Variants in ATP8B2 observed in about 807,000 individuals in gnomAD.
ATP8B2 encodes the protein phospholipid-transporting ATPase ID.
ATP8B2 carries 70 observed loss-of-function variants against 133.4 expected under a neutral mutation model. The ratio of observed to expected loss-of-function variants is 0.52; its 90% CI spans 0.43 to 0.64. The LOEUF (loss-of-function observed/expected upper bound fraction) is 0.64, where lower values mean the gene tolerates loss of function less well. Among genes scored for constraint, ATP8B2 ranks in the 30% least tolerant of loss-of-function variants. The pLI is 0.00. For synonymous variants in ATP8B2, 517 were observed against 589.5 expected (o/e 0.88, Z 1.78); for missense variants, 1,101 against 1,535.7 (o/e 0.72, Z 4.73).
In ATP8B2 at chr1:154,348,824, C is replaced by T. The variant is rs1322231975; in HGVS notation, c.3295-16C>T. 3 of 1,575,144 alleles carry T rather than the reference C, an allele frequency of 1.9e-6. No individual in the cohort carries two copies. Among genetic ancestry groups the T allele is most frequent in the African/African-American group, 1.3e-5 (1 of 74,132 alleles). ...CTCCACGCTGACAGAGGGCTCTTCCCTGTGCCCCTCTGCAGGTCCGCTACA... is the reference window on the plus strand; with the variant it reads ...CTCCACGCTGACAGAGGGCTCTTCCTTGTGCCCCTCTGCAGGTCCGCTACA... On this transcript the variant is annotated splice_polypyrimidine_tract_variant and intron_variant, in intron 27 of 27. Transcript: ENST00000368489.
rs890780672 is a variant in ATP8B2, at chr1:154,337,223, T to C, written c.838-125T>C. The stretch of plus-strand genomic sequence containing the variant: ...CCACATGTGGCCCAGAGACCATGGG[T>C]TGGACAAGCTTGCACTAGAGCATCT... On this transcript the variant is annotated intron_variant, in intron 11 of 27. Transcript: ENST00000368489. The C allele has an allele frequency of 1.7e-5, 19 of 1,096,482 alleles. No homozygotes were observed. In the South Asian group the frequency reaches 2.9e-4, roughly 17 times the overall value. 67.9% of individuals were successfully genotyped at this position (1,096,482 alleles called of 1,614,324 possible).
chr1:154,350,769 C>G lies in ATP8B2; in HGVS notation c.*1651C>G, dbSNP rs929773859. 1 of 152,360 alleles carries G rather than the reference C, an allele frequency of 6.6e-6. No individual in the cohort carries two copies. Among genetic ancestry groups the G allele is most frequent in the Non-Finnish European group, 1.5e-5 (1 of 68,054 alleles). The allele number at this position is 152,360 out of a possible 1,614,324, so 9.4% of individuals were successfully genotyped here. A position where few individuals can be genotyped will look rare whatever the true frequency, so the allele number is the denominator to read the frequency against. Reference sequence around the variant, plus strand: ...GCTATTCCCTAAATAAGGCATTTCCCAAGTTAGTCGCTACCTAATCAGCCT... The same window carrying G: ...GCTATTCCCTAAATAAGGCATTTCCGAAGTTAGTCGCTACCTAATCAGCCT... On this transcript the variant is annotated 3_prime_UTR_variant, in exon 28 of 28. Transcript: ENST00000368489.
In ATP8B2 at chr1:154,344,648, C is replaced by G. The variant is rs375666727; in HGVS notation, c.2149C>G (p.Arg717Gly). 3 of 1,607,898 alleles carry G rather than the reference C, an allele frequency of 1.9e-6. No homozygotes were observed. The South Asian group carries it at 3.3e-5, about 18-fold the overall frequency. Residue 717 changes from arginine (R) to glycine (G), a missense_variant, in exon 21 of 28, where the codon CGG (arginine) becomes GGG (glycine). Arg to Gly is a moderately radical substitution (Grantham distance 125, BLOSUM62 -2). Coordinates refer to ENST00000368489, the MANE Select transcript of ATP8B2 (RefSeq NM_001370597.1). This position sits in a 1 kb window ranked among gnomAD's most constrained non-coding sequence, Gnocchi z 4.1. ...LEVREELRKA[R>G]EKMMDSSRSV... is the part of the protein sequence containing the mutation. ...TCATTTCCACCTCGACAGGAAAGCCCGGGAGAAGATGATGGACTCATCCCG... is the reference window on the plus strand; with the variant it reads ...TCATTTCCACCTCGACAGGAAAGCCGGGGAGAAGATGATGGACTCATCCCG...
Position 154,346,544 on chromosome 1 carries a change from T to C in ATP8B2, c.3024+68T>C. On this transcript the variant is annotated intron_variant, in intron 25 of 27. Coordinates refer to ENST00000368489, the MANE Select transcript of ATP8B2 (RefSeq NM_001370597.1). This position sits in a 1 kb window ranked among gnomAD's most constrained non-coding sequence, Gnocchi z 4.5. Reference sequence around the variant, plus strand: ...GAGCCTTCTGTCCCTGGGGCTGCCCTGGGCACCACAGTTCTGTTTCTGGGG... The same window carrying C: ...GAGCCTTCTGTCCCTGGGGCTGCCCCGGGCACCACAGTTCTGTTTCTGGGG... The C allele has an allele frequency of 6.2e-7, 1 of 1,608,460 alleles. No homozygotes were observed.
At position 154,330,756 on chromosome 1, in the gene ATP8B2, C is replaced by T. The variant is rs1685959456; in HGVS notation, c.91-59C>T. On this transcript the variant is annotated intron_variant, in intron 3 of 27. Transcript: ENST00000368489. ...AGTATAAAGATGGGGGAGGCAGCCT[C>T]AGTCTGGTTCTGGGTTGGGACTGGA... 2.8e-6 allele frequency: 4 copies of T among 1,425,530 alleles called. No individual in the cohort carries two copies. The South Asian group carries it at 3.5e-5, about 12-fold the overall frequency. The allele number at this position is 1,425,530 out of a possible 1,614,324, so 88.3% of individuals were successfully genotyped here. A position where few individuals can be genotyped will look rare whatever the true frequency, so the allele number is the denominator to read the frequency against.
chr1:154,332,798 T>A, intron 9 of ATP8B2, 101 bp downstream of exon 9: 1 of 904,572 alleles, frequency 1.1e-6, no homozygotes, highest in Non-Finnish European at 1.8e-6. Context: ...TTTGTTGTTA[T>A]TATGCAACTC....
chr1:154,348,286 G>A (rs1686660367), intron 26 of ATP8B2, 122 bp from the exon 27 acceptor site: 2 of 1,099,592 alleles, frequency 1.8e-6, no homozygotes, highest in Non-Finnish European at 2.5e-6. Context: ...GGGTGAGCCT[G>A]GAGAAGCGGG....
chr1:154,346,257 G>A lies in ATP8B2; in HGVS notation c.2805G>A (p.Glu935=). ...ATGTCCCCGAGCAGCGGAGCATGGAGTACCCTAAGCTGTATGAGCCGGGCC... is the reference window on the plus strand; with the variant it reads ...ATGTCCCCGAGCAGCGGAGCATGGAATACCCTAAGCTGTATGAGCCGGGCC... ...DQDVPEQRSM[E]YPKLYEPGQL... Residue 935 remains glutamate, a synonymous_variant, in exon 25 of 28, where the codon GAG becomes GAA. Coordinates refer to ENST00000368489, the MANE Select transcript of ATP8B2 (RefSeq NM_001370597.1). This position sits in a 1 kb window ranked among gnomAD's most constrained non-coding sequence, Gnocchi z 4.5. The A allele has an allele frequency of 6.2e-7, 1 of 1,614,054 alleles. No homozygotes were observed. The highest frequency in any genetic ancestry group is 8.5e-7 in the Non-Finnish European group (1 of 1,180,022).
At chr1:154,338,503 T>C (rs571346349) in intron 12 of ATP8B2, among the ~76,000 whole-genome samples, 1 of 152,114 alleles carries the variant, frequency 6.6e-6, no homozygotes, top group Admixed American at 6.6e-5. Flanking sequence ...CTACTAAAAA[T>C]ACAAAAATTA....
intron 12 of ATP8B2, among the ~76,000 whole-genome samples, chr1:154,339,567 T>C (rs1226007172): frequency 6.6e-6 from 1 of 152,206 alleles, no homozygotes; most frequent in Non-Finnish European, 1.5e-5. Context: ...TATCTGTGTT[T>C]TGTATCTCAG....
Position 154,334,631 on chromosome 1 carries a change from C to A in ATP8B2, c.837+40C>A. 1.3e-6 allele frequency: 2 copies of A among 1,555,088 alleles called. No homozygotes were observed. Among genetic ancestry groups the A allele is most frequent in the South Asian group, 1.1e-5 (1 of 89,532 alleles). On this transcript the variant is annotated intron_variant, in intron 11 of 27. Transcript: ENST00000368489. This position sits in a 1 kb window ranked among gnomAD's most constrained non-coding sequence, Gnocchi z 4.6. ...ATCTGGCTCCCTGCCCCTGCCCTCT[C>A]TTCTCCTTGGGTGCTCCTTTTCCTT...
rs1343885159 is a variant in ATP8B2 at position 154,340,572 on chromosome 1, A to G, written c.1035-282A>G. 1 of 481,812 alleles carries G rather than the reference A, an allele frequency of 2.1e-6. No individual in the cohort carries two copies. The highest frequency in any genetic ancestry group is 1.9e-5 in the African/African-American group (1 of 51,364). 29.8% of individuals were successfully genotyped at this position (481,812 alleles called of 1,614,324 possible). A position where few individuals can be genotyped will look rare whatever the true frequency, so the allele number is the denominator to read the frequency against. On this transcript the variant is annotated intron_variant, in intron 12 of 27. Coordinates refer to ENST00000368489, the MANE Select transcript of ATP8B2 (RefSeq NM_001370597.1). This position sits in a 1 kb window ranked among gnomAD's most constrained non-coding sequence, Gnocchi z 4.0. Reference sequence around the variant, plus strand: ...AGAACTGGCCGAGTGCCTTGTCTACAGCCCCTTTTCCTCCTTTGCTGTCTG... The same window carrying G: ...AGAACTGGCCGAGTGCCTTGTCTACGGCCCCTTTTCCTCCTTTGCTGTCTG...
chr1:154,327,930 G>A (rs1685848081), intron 1 of ATP8B2, 175 bp from the exon 2 acceptor site: 1 of 1,558,554 alleles, frequency 6.4e-7, no homozygotes. Context: ...AGGTGGTGGG[G>A]AAGTCCCCTC....
intron 12 of ATP8B2, 116 bp downstream of exon 12, chr1:154,337,660 A>C (rs780343242): frequency 5.6e-6 from 9 of 1,606,540 alleles, no homozygotes; most frequent in Non-Finnish European, 7.6e-6. Flanking sequence ...TTCTTCCTGT[A>C]CTGTAAACAT....
chr1:154,345,633 C>T lies in ATP8B2; in HGVS notation c.2694+88C>T, dbSNP rs1686556319. 7.3e-7 allele frequency: 1 copy of T among 1,369,374 alleles called. No individual in the cohort carries two copies. Among genetic ancestry groups the T allele is most frequent in the African/African-American group, 1.5e-5 (1 of 68,890 alleles). 84.8% of individuals were successfully genotyped at this position (1,369,374 alleles called of 1,614,324 possible). A position where few individuals can be genotyped will look rare whatever the true frequency, so the allele number is the denominator to read the frequency against. On this transcript the variant is annotated intron_variant, in intron 23 of 27. Coordinates refer to ENST00000368489, the MANE Select transcript of ATP8B2 (RefSeq NM_001370597.1). The surrounding 1 kb of genome is among the most constrained non-coding windows in gnomAD (Gnocchi z 5.6). ...TTGTTTATCACTCAGTCCCCCAGGG[C>T]CTAGCTATTTTCTGGTACATACTCT...
At position 154,328,178 on chromosome 1, in the gene ATP8B2, A is replaced by G. The variant is rs1191124633; in HGVS notation, c.31+6A>G. 6.2e-7 allele frequency: 1 copy of G among 1,613,076 alleles called. No individual in the cohort carries two copies. Among genetic ancestry groups the G allele is most frequent in the African/African-American group, 1.3e-5 (1 of 74,972 alleles). ...TGCAAAAAAGCGCCCCCCAGGTAAG[A>G]CAGGCAAGGAGGGGAGATCCCGGGA... On this transcript the variant is annotated splice_donor_region_variant and intron_variant, in intron 2 of 27. Coordinates refer to ENST00000368489, the MANE Select transcript of ATP8B2 (RefSeq NM_001370597.1). The surrounding 1 kb of genome is among the most constrained non-coding windows in gnomAD (Gnocchi z 4.6).
In ATP8B2 at chr1:154,341,112, C is replaced by G. The variant is rs752516812; in HGVS notation, c.1243+50C>G. Reference sequence around the variant, plus strand: ...GGGGCTTGCACCTCGCCTGGAAGGACAGTGGAACTGGGGCCCCACAGTTTC... The same window carrying G: ...GGGGCTTGCACCTCGCCTGGAAGGAGAGTGGAACTGGGGCCCCACAGTTTC... On this transcript the variant is annotated intron_variant, in intron 13 of 27. Transcript: ENST00000368489. 8.1e-6 allele frequency: 13 copies of G among 1,595,530 alleles called. No homozygotes were observed. The Admixed American group carries it at 1.0e-4, about 13-fold the overall frequency.
At chr1:154,332,108 G>A (rs1306950133) in intron 8 of ATP8B2, 84 bp downstream of exon 8, 5 of 1,438,208 alleles carry the variant, frequency 3.5e-6, no homozygotes, top group Non-Finnish European at 4.9e-6. Context: ...TCTCAGGCCT[G>A]GGCTCTGTCT....
chr1:154,346,084 C>A lies in ATP8B2; in HGVS notation c.2779-147C>A. On this transcript the variant is annotated intron_variant, in intron 24 of 27. Coordinates refer to ENST00000368489, the MANE Select transcript of ATP8B2 (RefSeq NM_001370597.1). This position sits in a 1 kb window ranked among gnomAD's most constrained non-coding sequence, Gnocchi z 4.5. ...TCTTGGGTTGCTGAACTAAGTTAGT[C>A]TGGGGGTAGCTGGCTTGAGGTTGGT... The A allele has an allele frequency of 8.0e-7, 1 of 1,244,428 alleles. No homozygotes were observed. Among genetic ancestry groups the A allele is most frequent in the Non-Finnish European group, 1.1e-6 (1 of 879,178 alleles). 77.1% of individuals were successfully genotyped at this position (1,244,428 alleles called of 1,614,324 possible). A position where few individuals can be genotyped will look rare whatever the true frequency, so the allele number is the denominator to read the frequency against.
Sources: gnomAD v4.1 joint callset for allele counts (sites outside exome capture counted in the v4.1 genomes callset) on GRCh38, gnomAD v4.1.1 for gene constraint, Gnocchi (gnomAD v3.1) non-coding constraint, MANE v1.5 for transcripts, NCBI Gene and HGNC (gene_info 2026-07-23, HGNC 2026-07-21) for gene names.